The following TIAM2 variants were observed in gnomAD, a reference collection of about 807,000 sequenced individuals.
TIAM2 encodes TIAM Rac1 associated GEF 2, also known as rho guanine nucleotide exchange factor TIAM2.
A neutral mutation model predicts 152.9 loss-of-function variants in TIAM2; 80 were observed. The ratio of observed to expected loss-of-function variants is 0.52; its 90% CI spans 0.44 to 0.63. TIAM2 has a LOEUF of 0.63. Among genes scored for constraint, TIAM2 ranks in the 30% least tolerant of loss-of-function variants. The pLI is 0.00. For missense variants in TIAM2, 1,965 were observed against 2,120.1 expected (o/e 0.93, Z 1.44); for synonymous variants, 804 against 838.0 (o/e 0.96, Z 0.70).
At chr6:155,131,398 G>A (rs1375769400) in intron 4 of TIAM2, among the ~76,000 whole-genome samples, 2 of 151,308 alleles carry the variant, frequency 1.3e-5, no homozygotes, top group Non-Finnish European at 2.9e-5. Context: ...TGAAAGAATT[G>A]GTTATCTGAG....
rs139229210 is a variant in TIAM2, at chr6:155,213,926, A to G, written c.3168+2619A>G. ...CACCAGGAGTAGGGAGAAACCAGGC[A>G]GTGGGAGCAGGCTACTTTCGAGCCT... On this transcript the variant is annotated intron_variant, in intron 15 of 26. Transcript: ENST00000682666. This position sits in a 1 kb window ranked among gnomAD's most constrained non-coding sequence, Gnocchi z 4.2. Among the ~76,000 whole-genome samples, 1 of 152,226 alleles carries G rather than the reference A, an allele frequency of 6.6e-6. No homozygotes were observed. Among genetic ancestry groups the G allele is most frequent in the South Asian group, 2.1e-4 (1 of 4,828 alleles).
rs927008531 is a variant in TIAM2, at chr6:155,182,671, GT to G, written c.2800+356del. On this transcript the variant is annotated intron_variant, in intron 13 of 26. Coordinates refer to ENST00000682666, the MANE Select transcript of TIAM2 (RefSeq NM_012454.4). Reference sequence around the variant, plus strand: ...ATAGAGAGAGCATGTGTGTGTGTGTGTTTAAAAGAGTAAGTGTATACATATA... The same window carrying G: ...ATAGAGAGAGCATGTGTGTGTGTGTGTTAAAAGAGTAAGTGTATACATATA... Among the ~76,000 whole-genome samples, 73 of 152,224 alleles carry G rather than the reference GT, an allele frequency of 4.8e-4. 1 individual carries two copies. Among genetic ancestry groups the G allele is most frequent in the African/African-American group, 1.7e-3 (70 of 41,518 alleles).
chr6:155,201,328 A>G (rs1046295552), intron 14 of TIAM2, among the ~76,000 whole-genome samples: 1 of 152,244 alleles, frequency 6.6e-6, no homozygotes, highest in African/African-American at 2.4e-5. Flanking sequence ...CCAGCTAAGT[A>G]GTTCCTAAGG....
intron 1 of TIAM2, among the ~76,000 whole-genome samples, chr6:155,017,900 G>A (rs576881719): frequency 1.9e-4 from 29 of 152,210 alleles, no homozygotes; most frequent in African/African-American, 5.8e-4. Context: ...TGTAGCCACC[G>A]GCCCCATGGG....
intron 2 of TIAM2, among the ~76,000 whole-genome samples, chr6:155,107,662 A>G (rs1011751173): frequency 2.6e-5 from 4 of 152,182 alleles, no homozygotes; most frequent in African/African-American, 7.2e-5. Flanking sequence ...TTTCTTTTCA[A>G]ACTTGTAATT....
chr6:155,223,892 C>T (rs919631346), intron 15 of TIAM2, among the ~76,000 whole-genome samples: 2 of 152,090 alleles, frequency 1.3e-5, no homozygotes, highest in Admixed American at 6.5e-5. Context: ...TGTCGTTCGC[C>T]CTTTTTCTTT....
intron 2 of TIAM2, among the ~76,000 whole-genome samples, chr6:155,093,006 A>G (rs980900928): frequency 6.6e-6 from 1 of 152,216 alleles, no homozygotes; most frequent in African/African-American, 2.4e-5. Context: ...ACTTGCTTAT[A>G]ATAAGTTATA....
At chr6:155,233,637 A>G (rs978592954) in intron 15 of TIAM2, among the ~76,000 whole-genome samples, 1 of 152,144 alleles carries the variant, frequency 6.6e-6, no homozygotes, top group Admixed American at 6.5e-5. Context: ...AGATAAAATC[A>G]TTTTCAAGCA....
chr6:155,017,315 G>A (rs1326110427), intron 1 of TIAM2, among the ~76,000 whole-genome samples: 1 of 152,046 alleles, frequency 6.6e-6, no homozygotes, highest in Non-Finnish European at 1.5e-5. Context: ...TAAATGGGTT[G>A]CAGCTGGTAG....
intron 26 of TIAM2, chr6:155,256,083 A>C: frequency 7.7e-6 from 2 of 258,412 alleles, no homozygotes; most frequent in Non-Finnish European, 1.5e-5. Context: ...AGGTGAGAAG[A>C]TGCATAGGAA....
chr6:155,047,694 AGAGAGAGAGAGC>A (rs1459887745), intron 1 of TIAM2, among the ~76,000 whole-genome samples: 374 of 7,522 alleles, frequency 0.05, 24 homozygotes, highest in African/African-American at 0.12. Flanking sequence ...GAGAGGAGAG[AGAGAGAGAGAGC>A]GAGAGAGAGA....
At chr6:155,238,084 T>G (rs1782864460) in intron 15 of TIAM2, among the ~76,000 whole-genome samples, 1 of 152,232 alleles carries the variant, frequency 6.6e-6, no homozygotes, top group Non-Finnish European at 1.5e-5. Flanking sequence ...AGCACTCAAG[T>G]CACATCTTGA....
At chr6:155,173,932 T>C (rs1780700280) in intron 9 of TIAM2, among the ~76,000 whole-genome samples, 1 of 152,160 alleles carries the variant, frequency 6.6e-6, no homozygotes, top group African/African-American at 2.4e-5. Flanking sequence ...CTGACTCTAC[T>C]TGTAAGGACG....
intron 1 of TIAM2, among the ~76,000 whole-genome samples, chr6:155,038,084 A>G (rs150574733): frequency 4.9e-4 from 75 of 152,344 alleles, no homozygotes; most frequent in African/African-American, 1.6e-3. Flanking sequence ...CATTAAAACA[A>G]ACCTTCTATT....
intron 1 of TIAM2, among the ~76,000 whole-genome samples, chr6:155,042,339 C>T (rs558594961): frequency 1.3e-5 from 2 of 152,110 alleles, no homozygotes; most frequent in African/African-American, 2.4e-5. Context: ...GGGCTGGGCA[C>T]GGTGGCTCTT....
intron 1 of TIAM2, among the ~76,000 whole-genome samples, chr6:155,003,015 C>T (rs13204376): frequency 0.47 from 70,776 of 151,926 alleles, 17,848 homozygotes; most frequent in Non-Finnish European, 0.55. Context: ...ATTTTTGTAC[C>T]ACTTTTATAT....
At chr6:155,102,990 G>A (rs73794403) in intron 2 of TIAM2, among the ~76,000 whole-genome samples, 6,693 of 152,088 alleles carry the variant, frequency 0.044, 295 homozygotes, top group African/African-American at 0.12. Context: ...AGAATACTTC[G>A]TAAGTGGTAA....
In TIAM2 at chr6:155,193,029, A is replaced by G. The variant is rs114431859; in HGVS notation, c.3064+9529A>G. On this transcript the variant is annotated intron_variant, in intron 14 of 26. Coordinates refer to ENST00000682666, the MANE Select transcript of TIAM2 (RefSeq NM_012454.4). ...TCTTTTACTCATGCGTGATTTCATA[A>G]CATGCATTGTTTATTTGGAAATATG... Among the ~76,000 whole-genome samples the G allele has an allele frequency of 9.7e-3, 1,482 of 152,360 alleles. 27 individuals carry two copies. The highest frequency in any genetic ancestry group is 0.034 in the African/African-American group (1,410 of 41,574).
At chr6:155,215,275 T>C (rs1000308632) in intron 15 of TIAM2, among the ~76,000 whole-genome samples, 4 of 152,314 alleles carry the variant, frequency 2.6e-5, no homozygotes, top group East Asian at 3.9e-4. Flanking sequence ...AAAGTGAACA[T>C]TGGAGCATCA....
Sources: allele counts gnomAD v4.1 joint callset (sites outside exome capture counted in the v4.1 genomes callset), GRCh38; gene constraint gnomAD v4.1.1; non-coding constraint Gnocchi (gnomAD v3.1); transcripts MANE v1.5; gene names NCBI Gene and HGNC (gene_info 2026-07-23, HGNC 2026-07-21).